GRM5: variants seen among roughly 807,000 people sequenced by gnomAD.
The protein encoded by GRM5 is glutamate metabotropic receptor 5.
In GRM5, 19 loss-of-function variants were observed where a neutral mutation model predicts 83.1. That is an observed-to-expected ratio of 0.23 (90% CI 0.16 to 0.34). The LOEUF is 0.34. GRM5 is among the 10% of genes least tolerant of loss of function. The probability of loss-of-function intolerance (pLI) is 1.00; values close to 1 mark genes in which losing one functional copy is unlikely to be tolerated. For missense variants in GRM5, 1,160 were observed against 1,588.3 expected, an observed-to-expected ratio of 0.73 and a Z score of 4.58; for synonymous variants, 675 against 633.6, an observed-to-expected ratio of 1.07 and a Z score of -0.98.
At chr11:88,749,016 T>A (rs1165560175) in intron 3 of GRM5, among the ~76,000 whole-genome samples, 1 of 152,008 alleles carries the variant, frequency 6.6e-6, no homozygotes, top group African/African-American at 2.4e-5. Context: ...TGCTGAAAAC[T>A]CAAAAAGCCA....
intron 4 of GRM5, among the ~76,000 whole-genome samples, chr11:88,629,223 C>T (rs1938890661): frequency 6.6e-6 from 1 of 152,160 alleles, no homozygotes; most frequent in African/African-American, 2.4e-5. Flanking sequence ...ATTCTTTTAA[C>T]ATAAAATTCC....
intron 2 of GRM5, among the ~76,000 whole-genome samples, chr11:88,991,015 C>A (rs1341120508): frequency 1.3e-5 from 2 of 152,016 alleles, no homozygotes; most frequent in African/African-American, 2.4e-5. Flanking sequence ...CTGGCCAGGG[C>A]AATTAGGCAG....
chr11:89,010,824 C>T (rs1940673709), intron 2 of GRM5, among the ~76,000 whole-genome samples: 3 of 151,332 alleles, frequency 2.0e-5, no homozygotes. Context: ...GTCATGGTGC[C>T]ATATGTATTA....
chr11:88,707,938 G>A (rs1941198996), intron 3 of GRM5, among the ~76,000 whole-genome samples: 1 of 151,962 alleles, frequency 6.6e-6, no homozygotes, highest in Admixed American at 6.6e-5. Flanking sequence ...TCACTGGAAG[G>A]CATTTCTGAT....
chr11:88,906,378 A>C (rs1429652359), intron 2 of GRM5, among the ~76,000 whole-genome samples: 1 of 152,194 alleles, frequency 6.6e-6, no homozygotes. Flanking sequence ...ACATTCGTAC[A>C]TAAATCTGAG....
At chr11:88,810,762 C>G (rs979363147) in intron 3 of GRM5, among the ~76,000 whole-genome samples, 4 of 151,958 alleles carry the variant, frequency 2.6e-5, no homozygotes, top group Non-Finnish European at 5.9e-5. Flanking sequence ...TGAAGATGAC[C>G]AATGCCAACC....
intron 3 of GRM5, among the ~76,000 whole-genome samples, chr11:88,781,360 A>G (rs1211446051): frequency 6.6e-6 from 1 of 152,128 alleles, no homozygotes; most frequent in Non-Finnish European, 1.5e-5. Flanking sequence ...CACTACATAA[A>G]TGGAGATGGA....
At chr11:88,523,118 G>A (rs1208638791) in intron 9 of GRM5, among the ~76,000 whole-genome samples, 3 of 152,140 alleles carry the variant, frequency 2.0e-5, no homozygotes, top group Admixed American at 6.5e-5. Context: ...TAAGAGCATC[G>A]AATTGCATAA....
chr11:88,900,051 C>T (rs757132943), intron 2 of GRM5, among the ~76,000 whole-genome samples: 32 of 151,868 alleles, frequency 2.1e-4, no homozygotes, highest in Non-Finnish European at 4.0e-4. Context: ...TGAGTGTCTG[C>T]TAAATATATA....
chr11:88,870,492 T>C (rs1034040104), intron 2 of GRM5, among the ~76,000 whole-genome samples: 33 of 151,122 alleles, frequency 2.2e-4, no homozygotes, highest in Non-Finnish European at 4.1e-4. Context: ...AAAGAAAGAG[T>C]TAATCATAAA....
intron 2 of GRM5, among the ~76,000 whole-genome samples, chr11:88,970,924 T>C (rs567990): frequency 0.47 from 71,189 of 151,954 alleles, 17,393 homozygotes; most frequent in South Asian, 0.65. Context: ...TGCCCTCTTT[T>C]ACCTTCTTCC....
At chr11:89,011,126 A>T (rs563113143) in intron 2 of GRM5, among the ~76,000 whole-genome samples, 28 of 152,196 alleles carry the variant, frequency 1.8e-4, no homozygotes, top group Non-Finnish European at 3.4e-4. Context: ...ACAAAACCTC[A>T]GTTAGCTGTA....
chr11:88,782,853 T>G (rs926302337), intron 3 of GRM5, among the ~76,000 whole-genome samples: 2 of 152,168 alleles, frequency 1.3e-5, no homozygotes, highest in Non-Finnish European at 2.9e-5. Flanking sequence ...AACTCATTCA[T>G]GGACCACTCA....
intron 2 of GRM5, among the ~76,000 whole-genome samples, chr11:88,923,334 T>C (rs1945725855): frequency 6.6e-6 from 1 of 152,198 alleles, no homozygotes; most frequent in African/African-American, 2.4e-5. Context: ...ATAAGGCAAA[T>C]GTAGCGCATA....
chr11:88,971,982 T>G (rs1372496568), intron 2 of GRM5, among the ~76,000 whole-genome samples: 3 of 152,084 alleles, frequency 2.0e-5, no homozygotes, highest in Admixed American at 6.6e-5. Flanking sequence ...GAGCTTCCAC[T>G]AGTCAAGTCT....
At chr11:88,870,848 C>T (rs143005495) in intron 2 of GRM5, among the ~76,000 whole-genome samples, 272 of 151,454 alleles carry the variant, frequency 1.8e-3, no homozygotes, top group Middle Eastern at 6.8e-3. Context: ...AGAGAGCTTA[C>T]GCCAGAGCTT....
At position 88,567,071 on chromosome 11, in the gene GRM5, G is replaced by A. The variant is rs201261388; in HGVS notation, c.2612C>T (p.Ser871Phe). The A allele has an allele frequency of 2.5e-4, 410 of 1,611,090 alleles. No homozygotes were observed. The highest frequency in any genetic ancestry group is 3.3e-4 in the Non-Finnish European group (388 of 1,178,036). Reference sequence around the variant, plus strand: ...CTTTTACCTTAAGGTTTCCCCAGAGGAGCCCCTTCTCTTCCACAGGTTGAC... The same window carrying A: ...CTTTTACCTTAAGGTTTCCCCAGAGAAGCCCCTTCTCTTCCACAGGTTGAC... ...SLVNLWKRRGSSGETLRYKDR... is the reference protein window; with the variant it reads ...SLVNLWKRRGFSGETLRYKDR... Residue 871 changes from serine (S) to phenylalanine (F), a missense_variant, in exon 8 of 10, where the codon TCC becomes TTC. Around this residue, in one of 9 missense-constraint regions of GRM5, gnomAD observed 562 missense variants for 532.4 expected, o/e 1.06. Transcript: ENST00000305447. This position sits in a 1 kb window ranked among gnomAD's most constrained non-coding sequence, Gnocchi z 7.3.
chr11:88,532,007 A>G (rs991701221), intron 8 of GRM5, among the ~76,000 whole-genome samples: 1 of 152,056 alleles, frequency 6.6e-6, no homozygotes, highest in African/African-American at 2.4e-5. Context: ...ACCACAGTAT[A>G]CCTATTTTAC....
chr11:88,623,673 G>T (rs917848583), intron 4 of GRM5, among the ~76,000 whole-genome samples: 13 of 152,162 alleles, frequency 8.5e-5, no homozygotes, highest in African/African-American at 2.9e-4. Context: ...TGTATTCCAG[G>T]AATCTGGAGA....
Sources: allele counts gnomAD v4.1 joint callset (sites outside exome capture counted in the v4.1 genomes callset), GRCh38; gene constraint gnomAD v4.1.1; regional missense constraint gnomAD v4.1.1; non-coding constraint Gnocchi (gnomAD v3.1); transcripts MANE v1.5; gene names NCBI Gene and HGNC (gene_info 2026-07-23, HGNC 2026-07-21).